Variants in SLC2A9 observed in about 807,000 individuals in gnomAD.
SLC2A9 encodes the protein solute carrier family 2, facilitated glucose transporter member 9.
Under a neutral mutation model 50.6 loss-of-function variants are expected in SLC2A9, and 39 were observed. That is an observed-to-expected ratio of 0.77 (90% CI 0.60 to 1.01). The LOEUF is 1.01. Ranked by LOEUF, SLC2A9 falls within the 50% of genes least tolerant of loss-of-function variation. The pLI, the probability that SLC2A9 is intolerant of heterozygous loss-of-function variation, is 0.00. For missense variants in SLC2A9, 686 were observed against 677.6 expected (o/e 1.01, Z -0.14); for synonymous variants, 324 against 276.9 (o/e 1.17, Z -1.69).
chr4:9,815,947 A>G (rs1723526914), intron 3 of SLC2A9, among the ~76,000 whole-genome samples: 1 of 152,168 alleles, frequency 6.6e-6, no homozygotes, highest in African/African-American at 2.4e-5. Context: ...AGGCAGGTGG[A>G]TCACTTGAGG....
intron 3 of SLC2A9, among the ~76,000 whole-genome samples, chr4:9,815,251 C>A (rs1170912647): frequency 6.6e-6 from 1 of 152,190 alleles, no homozygotes; most frequent in Non-Finnish European, 1.5e-5. Flanking sequence ...ACTAGGAATC[C>A]GTGCTCCTTT....
At chr4:9,890,381 G>A (rs947663095) in intron 9 of SLC2A9, among the ~76,000 whole-genome samples, 6 of 152,190 alleles carry the variant, frequency 3.9e-5, no homozygotes, top group African/African-American at 1.2e-4. Context: ...ATCAGTGAGA[G>A]TGACAGGACC....
intron 5 of SLC2A9, among the ~76,000 whole-genome samples, chr4:9,944,421 A>G (rs1397154565): frequency 6.6e-6 from 1 of 152,208 alleles, no homozygotes; most frequent in East Asian, 1.9e-4. Flanking sequence ...AAAGGCTGTT[A>G]TCAAGTTTAT....
chr4:9,942,305 G>A (rs536600701), intron 5 of SLC2A9, among the ~76,000 whole-genome samples: 79 of 152,342 alleles, frequency 5.2e-4, no homozygotes, highest in Non-Finnish European at 8.2e-4. Flanking sequence ...AAAGCAGGCG[G>A]CTCTGGTTGG....
chr4:9,896,576 T>C (rs561251391), intron 8 of SLC2A9, among the ~76,000 whole-genome samples: 2 of 152,358 alleles, frequency 1.3e-5, no homozygotes, highest in African/African-American at 4.8e-5. Context: ...TAACAATACC[T>C]TTTAAATAGT....
chr4:10,024,351 G>C (rs1356920678), upstream of SLC2A9, among the ~76,000 whole-genome samples: 3 of 152,196 alleles, frequency 2.0e-5, no homozygotes, highest in Admixed American at 6.5e-5. Context: ...TTTGGAGATA[G>C]GGTTTTTGAA....
At chr4:9,793,118 C>A (rs1281452434) in intron 3 of SLC2A9, among the ~76,000 whole-genome samples, 1 of 152,186 alleles carries the variant, frequency 6.6e-6, no homozygotes, top group Non-Finnish European at 1.5e-5. Context: ...ACAGTTCATA[C>A]TTAAATATGT....
intron 6 of SLC2A9, among the ~76,000 whole-genome samples, chr4:9,934,475 C>T (rs773346318): frequency 6.6e-6 from 1 of 152,188 alleles, no homozygotes; most frequent in Non-Finnish European, 1.5e-5. Context: ...AACAAGAATC[C>T]TCACTGTTCT....
chr4:9,976,640 C>T (rs929482549), intron 5 of SLC2A9, among the ~76,000 whole-genome samples: 1 of 152,226 alleles, frequency 6.6e-6, no homozygotes, highest in African/African-American at 2.4e-5. Flanking sequence ...TGGAAACTCC[C>T]ATCTGATGGG....
At chr4:9,952,128 G>T (rs1017724591) in intron 5 of SLC2A9, among the ~76,000 whole-genome samples, 3 of 152,198 alleles carry the variant, frequency 2.0e-5, no homozygotes, top group African/African-American at 7.2e-5. Flanking sequence ...CTACTCCTCA[G>T]TTTGCTCATC....
At chr4:10,019,398 G>T in intron 1 of SLC2A9, 2 of 427,640 alleles carry the variant, frequency 4.7e-6, no homozygotes, top group East Asian at 4.4e-5. Flanking sequence ...GTTGGCGAGT[G>T]TCCGACCCAG....
chr4:9,803,935 A>C (rs1307450005), intron 3 of SLC2A9, among the ~76,000 whole-genome samples: 1 of 152,226 alleles, frequency 6.6e-6, no homozygotes, highest in East Asian at 1.9e-4. Flanking sequence ...GATAAAGCTT[A>C]GATGAAGTTG....
chr4:10,013,269 T>C (rs1762067790), intron 2 of SLC2A9, among the ~76,000 whole-genome samples: 1 of 152,186 alleles, frequency 6.6e-6, no homozygotes, highest in Admixed American at 6.5e-5. Context: ...CCAGGCCTCA[T>C]GTGGCCTATC....
chr4:9,798,043 AAG>A (rs911222557), downstream of SLC2A9, among the ~76,000 whole-genome samples: 6 of 152,328 alleles, frequency 3.9e-5, no homozygotes, highest in African/African-American at 1.2e-4. Flanking sequence ...GTCCTTAGGA[AAG>A]AGAGCAGATG....
At chr4:9,891,343 G>A (rs531789852) in intron 8 of SLC2A9, among the ~76,000 whole-genome samples, 1 of 152,272 alleles carries the variant, frequency 6.6e-6, no homozygotes, top group East Asian at 1.9e-4. Context: ...CTCCTCAACT[G>A]CCAATGACTG....
chr4:9,789,488 C>T (rs184880796), intron 3 of SLC2A9, among the ~76,000 whole-genome samples: 1 of 152,252 alleles, frequency 6.6e-6, no homozygotes, highest in Admixed American at 6.5e-5. Context: ...AGTCAATATG[C>T]AGTAGATGGA....
downstream of SLC2A9, among the ~76,000 whole-genome samples, chr4:9,824,640 T>G (rs763019876): frequency 1.3e-5 from 2 of 152,202 alleles, no homozygotes. Context: ...TCTTCTCTGG[T>G]AGACATGGGC....
At chr4:9,851,463 C>A (rs1409124192) in intron 10 of SLC2A9, among the ~76,000 whole-genome samples, 1 of 152,184 alleles carries the variant, frequency 6.6e-6, no homozygotes. Flanking sequence ...GATCATCAGT[C>A]AACACAGATG....
intron 1 of SLC2A9, among the ~76,000 whole-genome samples, chr4:10,033,947 G>C (rs1256750669): frequency 6.6e-6 from 1 of 152,140 alleles, no homozygotes; most frequent in Non-Finnish European, 1.5e-5. Context: ...CTTTTCAAGG[G>C]CTTCCCCCGC....
Sources: gnomAD v4.1 joint callset for allele counts (sites outside exome capture counted in the v4.1 genomes callset) on GRCh38, gnomAD v4.1.1 for gene constraint, MANE v1.5 for transcripts, NCBI Gene and HGNC (gene_info 2026-07-23, HGNC 2026-07-21) for gene names.